Variants in CHODL observed in about 807,000 individuals in gnomAD.
CHODL encodes the protein chondrolectin, also known as transmembrane protein MT75.
In CHODL, 29 loss-of-function variants were observed where a neutral mutation model predicts 34.5. The ratio of observed to expected loss-of-function variants is 0.84; its 90% CI spans 0.63 to 1.15. The LOEUF is 1.15. CHODL is among the 50% of genes most tolerant of loss of function. The probability of loss-of-function intolerance (pLI) is 0.00; values close to 1 mark genes in which losing one functional copy is unlikely to be tolerated. For missense variants in CHODL, 332 were observed against 332.5 expected (o/e 1.00, Z 0.01); for synonymous variants, 125 against 116.1 (o/e 1.08, Z -0.49).
At chr21:18,248,938 T>TGTATAATACATATATATGTATACATATA (rs1480324650) in intron 1 of CHODL, among the ~76,000 whole-genome samples, 1 of 111,584 alleles carries the variant, frequency 9.0e-6, no homozygotes, top group African/African-American at 4.3e-5. Context: ...TACATATATA[T>TGTATAATACATATATATGTATACATATA]TATGTATACA....
intron 2 of CHODL, among the ~76,000 whole-genome samples, chr21:18,195,213 C>T (rs902188946): frequency 1.3e-5 from 2 of 152,010 alleles, no homozygotes; most frequent in African/African-American, 4.8e-5. Flanking sequence ...TGCCACCACA[C>T]CTGGCTAATT....
intron 1 of CHODL, among the ~76,000 whole-genome samples, chr21:18,245,553 G>A (rs1490088841): frequency 3.3e-5 from 5 of 152,170 alleles, no homozygotes; most frequent in Admixed American, 6.5e-5. Flanking sequence ...GCTTCATTAC[G>A]AGCGGCATAG....
At chr21:18,137,784 T>C (rs1241328078) in intron 2 of CHODL, among the ~76,000 whole-genome samples, 1 of 152,220 alleles carries the variant, frequency 6.6e-6, no homozygotes, top group African/African-American at 2.4e-5. Context: ...CTAGAGGTGC[T>C]GCCCTTACTG....
At chr21:18,243,102 T>G (rs2074097460), upstream of CHODL, among the ~76,000 whole-genome samples, 1 of 152,216 alleles carries the variant, frequency 6.6e-6, no homozygotes, top group South Asian at 2.1e-4. Context: ...ACCATCAACC[T>G]TGACTGCTGC....
intron 5 of CHODL, among the ~76,000 whole-genome samples, chr21:18,264,028 T>C (rs1319908502): frequency 6.6e-6 from 1 of 152,120 alleles, no homozygotes; most frequent in African/African-American, 2.4e-5. Context: ...GATGAAAATC[T>C]ACAAACCATA....
At position 17,980,195 on chromosome 21, in the gene CHODL, A is replaced by G. The variant is rs181074491; in HGVS notation, c.-144-47677A>G. Among the ~76,000 whole-genome samples, 336 of 152,084 alleles carry G rather than the reference A, an allele frequency of 2.2e-3. 2 individuals carry two copies. The highest frequency in any genetic ancestry group is 3.6e-3 in the Non-Finnish European group (246 of 67,994). On this transcript the variant is annotated intron_variant, in intron 1 of 6. Transcript: ENST00000400127. ...GGAAGACAGCTGTTTTAATGTTGAA[A>G]TGGATCCAGTTTCTCCCTAAGCATG...
chr21:17,973,700 G>A (rs915823060), intron 1 of CHODL, among the ~76,000 whole-genome samples: 1 of 151,096 alleles, frequency 6.6e-6, no homozygotes, highest in Non-Finnish European at 1.5e-5. Context: ...GATCATAGGC[G>A]TGAGCCACCG....
chr21:18,256,067 A>G (rs1033867842), intron 1 of CHODL, among the ~76,000 whole-genome samples: 4 of 152,154 alleles, frequency 2.6e-5, no homozygotes, highest in African/African-American at 7.2e-5. Context: ...GCCACTTTGT[A>G]TCTTCTTCAG....
At chr21:17,936,957 C>T (rs779241972) in intron 1 of CHODL, among the ~76,000 whole-genome samples, 9 of 151,826 alleles carry the variant, frequency 5.9e-5, no homozygotes, top group Middle Eastern at 3.4e-3. Flanking sequence ...TTCTGTAATC[C>T]CAGCTACTCA....
In CHODL at chr21:18,062,732, C is replaced by T. The variant is rs1298936587; in HGVS notation, c.-45+34761C>T. Among the ~76,000 whole-genome samples, 10 of 152,238 alleles carry T rather than the reference C, an allele frequency of 6.6e-5. No homozygotes were observed. In the East Asian group the frequency reaches 1.2e-3, roughly 18 times the overall value. On this transcript the variant is annotated intron_variant, in intron 2 of 6. Coordinates refer to the CHODL transcript ENST00000400127. ...AGTGAGCCGAGATAGCACCACTTCT[C>T]TCCAGCCTGGGAAACAGAGCAAGAC...
At chr21:18,000,589 T>C (rs2063895761) in intron 1 of CHODL, among the ~76,000 whole-genome samples, 1 of 152,288 alleles carries the variant, frequency 6.6e-6, no homozygotes, top group East Asian at 1.9e-4. Flanking sequence ...ACTTTTACCA[T>C]GACATTGTTT....
intron 2 of CHODL, among the ~76,000 whole-genome samples, chr21:18,174,794 T>TA (rs965827470): frequency 6.6e-6 from 1 of 152,220 alleles, no homozygotes; most frequent in African/African-American, 2.4e-5. Context: ...TCTGAGGGTT[T>TA]ACTTGTGCTT....
intron 2 of CHODL, among the ~76,000 whole-genome samples, chr21:18,100,847 A>C (rs1057189876): frequency 1.6e-4 from 25 of 152,104 alleles, no homozygotes; most frequent in African/African-American, 6.0e-4. Flanking sequence ...ACTTTTGTGA[A>C]TTCCATCTCA....
intron 2 of CHODL, among the ~76,000 whole-genome samples, chr21:18,198,755 C>T (rs980116443): frequency 1.3e-5 from 2 of 151,842 alleles, no homozygotes; most frequent in Admixed American, 1.3e-4. Flanking sequence ...TGGAAAACTT[C>T]GAATAAAGGA....
intron 1 of CHODL, among the ~76,000 whole-genome samples, chr21:17,963,078 AT>A (rs367675543): frequency 0.14 from 18,989 of 140,218 alleles, 1,513 homozygotes; most frequent in Middle Eastern, 0.24. Flanking sequence ...AAAAAAAATA[AT>A]AATAATAATA....
chr21:18,137,110 C>T (rs2072743121), intron 2 of CHODL, among the ~76,000 whole-genome samples: 1 of 152,080 alleles, frequency 6.6e-6, no homozygotes, highest in Non-Finnish European at 1.5e-5. Flanking sequence ...CTTAAAATGA[C>T]TTAAATCCTT....
intron 2 of CHODL, among the ~76,000 whole-genome samples, chr21:18,145,561 T>C (rs981343878): frequency 2.6e-5 from 4 of 151,954 alleles, no homozygotes; most frequent in Non-Finnish European, 5.9e-5. Flanking sequence ...TTATATAGCA[T>C]AGAATGGAGG....
At chr21:18,062,476 G>A (rs2064679857) in intron 2 of CHODL, among the ~76,000 whole-genome samples, 1 of 151,882 alleles carries the variant, frequency 6.6e-6, no homozygotes, top group African/African-American at 2.4e-5. Flanking sequence ...CTCTCAAAGT[G>A]TAGACATTGA....
intron 1 of CHODL, among the ~76,000 whole-genome samples, chr21:17,934,849 A>T (rs1303470544): frequency 6.6e-6 from 1 of 152,178 alleles, no homozygotes; most frequent in Non-Finnish European, 1.5e-5. Context: ...TAATGTTGTG[A>T]TATGAATACT....
Sources: gnomAD v4.1 joint callset for allele counts (sites outside exome capture counted in the v4.1 genomes callset) on GRCh38, gnomAD v4.1.1 for gene constraint, MANE v1.5 for transcripts, NCBI Gene and HGNC (gene_info 2026-07-23, HGNC 2026-07-21) for gene names.